SLC24A2: variants seen among roughly 807,000 people sequenced by gnomAD.
SLC24A2 encodes sodium/potassium/calcium exchanger 2.
Under a neutral mutation model 62.0 loss-of-function variants are expected in SLC24A2, and 36 were observed. The observed-to-expected ratio is 0.58, with a 90% CI of 0.44 to 0.77. The LOEUF (loss-of-function observed/expected upper bound fraction) is 0.77. Among genes scored for constraint, SLC24A2 ranks in the 30% least tolerant of loss-of-function variants. The pLI is 0.00. For missense variants in SLC24A2, 846 were observed against 817.9 expected (o/e 1.03, Z -0.42); for synonymous variants, 358 against 294.0 (o/e 1.22, Z -2.23).
At chr9:19,859,704 A>C in the SLC24A2 span, among the ~76,000 whole-genome samples, 1 of 152,200 alleles carries the variant, frequency 6.6e-6, no homozygotes, top group Non-Finnish European at 1.5e-5. Context: ...GAGGTACAAA[A>C]AACAGTCTGA....
intron 2 of SLC24A2, among the ~76,000 whole-genome samples, chr9:19,631,093 C>A (rs1818167033): frequency 1.3e-5 from 2 of 152,152 alleles, no homozygotes; most frequent in Non-Finnish European, 2.9e-5. Context: ...CTATTGAGCA[C>A]CCTTCTGAGG....
At chr9:20,081,684 A>C in the SLC24A2 span, among the ~76,000 whole-genome samples, 1 of 152,122 alleles carries the variant, frequency 6.6e-6, no homozygotes, top group African/African-American at 2.4e-5. Context: ...GTGTTACCTA[A>C]TTCTCTTCCA....
chr9:20,014,881 G>A, the SLC24A2 span, among the ~76,000 whole-genome samples: 3 of 152,068 alleles, frequency 2.0e-5, no homozygotes, highest in East Asian at 1.9e-4. Flanking sequence ...AGATTATTTC[G>A]AATGTCTCAC....
At chr9:19,757,429 T>A (rs1822177240) in intron 2 of SLC24A2, among the ~76,000 whole-genome samples, 1 of 152,206 alleles carries the variant, frequency 6.6e-6, no homozygotes, top group Non-Finnish European at 1.5e-5. Context: ...TTTCTTCTTT[T>A]CTTTCTCCTC....
the SLC24A2 span, among the ~76,000 whole-genome samples, chr9:20,002,614 A>G: frequency 6.6e-6 from 1 of 152,120 alleles, no homozygotes; most frequent in African/African-American, 2.4e-5. Flanking sequence ...AACTCAGGCA[A>G]TCATAGTTGA....
At chr9:20,014,495 G>GATATATATATAT in the SLC24A2 span, among the ~76,000 whole-genome samples, 622 of 140,688 alleles carry the variant, frequency 4.4e-3, 7 homozygotes, top group East Asian at 0.018. Context: ...AGAAAAATGT[G>GATATATATATAT]ATATATATAT....
the SLC24A2 span, among the ~76,000 whole-genome samples, chr9:20,020,271 A>T: frequency 3.1e-3 from 470 of 152,288 alleles, 4 homozygotes; most frequent in African/African-American, 0.011. Context: ...CACATGCACA[A>T]ATATGTTTAT....
chr9:20,206,887 G>GC, the SLC24A2 span, among the ~76,000 whole-genome samples: 5 of 148,868 alleles, frequency 3.4e-5, no homozygotes, highest in African/African-American at 7.6e-5. Context: ...AAGTTGGGGG[G>GC]GGCGGTTACG....
At chr9:19,967,856 G>A in the SLC24A2 span, 8 of 152,122 alleles carry the variant, frequency 5.3e-5, no homozygotes, top group Admixed American at 5.2e-4. Flanking sequence ...ATACAGGCAT[G>A]GAAATTTTGG....
At chr9:19,746,456 G>A (rs947902565) in intron 2 of SLC24A2, among the ~76,000 whole-genome samples, 3 of 152,088 alleles carry the variant, frequency 2.0e-5, no homozygotes, top group African/African-American at 7.2e-5. Flanking sequence ...CAGATAGCAT[G>A]TGGAGTCTCA....
chr9:20,227,899 G>C, the SLC24A2 span, among the ~76,000 whole-genome samples: 1 of 152,154 alleles, frequency 6.6e-6, no homozygotes, highest in Admixed American at 6.5e-5. Context: ...TGTAGTCACA[G>C]AAATTCTGCT....
the SLC24A2 span, chr9:19,958,250 A>G: frequency 6.6e-6 from 1 of 152,328 alleles, no homozygotes; most frequent in South Asian, 2.1e-4. Flanking sequence ...TCTTGAAGCC[A>G]CTGAAAAACT....
chr9:19,865,129 G>T, the SLC24A2 span, among the ~76,000 whole-genome samples: 1 of 151,884 alleles, frequency 6.6e-6, no homozygotes, highest in Non-Finnish European at 1.5e-5. Context: ...TTAACCGAAT[G>T]AATGAAAAAT....
At chr9:19,693,039 T>A (rs55746696) in intron 2 of SLC24A2, among the ~76,000 whole-genome samples, 4,508 of 152,252 alleles carry the variant, frequency 0.03, 246 homozygotes, top group African/African-American at 0.1. Flanking sequence ...TTTGTGAGCA[T>A]AAAATGAGGT....
chr9:20,107,636 A>G, the SLC24A2 span, among the ~76,000 whole-genome samples: 13 of 152,312 alleles, frequency 8.5e-5, no homozygotes, highest in South Asian at 2.7e-3. Context: ...AAAACTGGCT[A>G]GCCATATGGA....
intron 2 of SLC24A2, among the ~76,000 whole-genome samples, chr9:19,737,738 A>C (rs1821552302): frequency 6.6e-6 from 1 of 152,090 alleles, no homozygotes; most frequent in East Asian, 1.9e-4. Flanking sequence ...GATGCAAATA[A>C]ATTACTGAGT....
the SLC24A2 span, among the ~76,000 whole-genome samples, chr9:19,941,829 T>A: frequency 6.6e-6 from 1 of 152,156 alleles, no homozygotes; most frequent in Non-Finnish European, 1.5e-5. Flanking sequence ...AAATGCATGA[T>A]AAACACAAGA....
At chr9:19,705,566 G>GC in intron 2 of SLC24A2, 1 of 230,842 alleles carries the variant, frequency 4.3e-6, no homozygotes. Context: ...GGAAGTGGAA[G>GC]CCCCCCAAAA....
intron 7 of SLC24A2, among the ~76,000 whole-genome samples, chr9:19,571,203 G>A (rs751150283): frequency 1.1e-4 from 16 of 152,164 alleles, no homozygotes; most frequent in Non-Finnish European, 1.6e-4. Context: ...GACATAAGCT[G>A]CTCTGCCAGC....
Sources: gnomAD v4.1 joint callset for allele counts (sites outside exome capture counted in the v4.1 genomes callset) on GRCh38, gnomAD v4.1.1 for gene constraint, MANE v1.5 for transcripts, NCBI Gene and HGNC (gene_info 2026-07-23, HGNC 2026-07-21) for gene names.